The following ADGRL2 variants were observed in gnomAD, a reference collection of about 807,000 sequenced individuals.
The protein encoded by ADGRL2 is adhesion G protein-coupled receptor L2, also known as calcium-independent alpha-latrotoxin receptor 2.
A neutral mutation model predicts 157.4 loss-of-function variants in ADGRL2; 44 were observed. That is an observed-to-expected ratio of 0.28 (90% CI 0.22 to 0.36). The LOEUF (loss-of-function observed/expected upper bound fraction) is 0.36. Ranked by LOEUF, ADGRL2 falls within the 10% of genes least tolerant of loss-of-function variation. The pLI is 1.00. For synonymous variants in ADGRL2, 585 were observed against 624.7 expected (o/e 0.94, Z 0.95); for missense variants, 1,510 against 1,768.9 (o/e 0.85, Z 2.63).
chr1:81,420,305 T>C (rs2077102585), intron 1 of ADGRL2, among the ~76,000 whole-genome samples: 1 of 152,216 alleles, frequency 6.6e-6, no homozygotes, highest in Non-Finnish European at 1.5e-5. Flanking sequence ...TTTTACACTT[T>C]AGTTTTCTGA....
intron 1 of ADGRL2, among the ~76,000 whole-genome samples, chr1:81,399,528 A>G (rs1254312088): frequency 6.6e-6 from 1 of 151,892 alleles, no homozygotes; most frequent in Admixed American, 6.6e-5. Context: ...ACCCATCTTC[A>G]AGTTCAAAGA....
At chr1:81,532,960 C>A (rs1185858242) in intron 2 of ADGRL2, among the ~76,000 whole-genome samples, 4 of 149,286 alleles carry the variant, frequency 2.7e-5, no homozygotes, top group African/African-American at 9.9e-5. Flanking sequence ...ATCTATCTAT[C>A]TATCTATCTA....
At chr1:81,822,293 TTTCTCAA>T (rs1312796555) in intron 1 of ADGRL2, among the ~76,000 whole-genome samples, 3 of 151,908 alleles carry the variant, frequency 2.0e-5, no homozygotes, top group African/African-American at 7.2e-5. Context: ...GAAACAATGT[TTTCTCAA>T]GTTCAGAATA....
chr1:81,959,973 T>C (rs973371731), intron 11 of ADGRL2, among the ~76,000 whole-genome samples: 1 of 152,078 alleles, frequency 6.6e-6, no homozygotes, highest in Non-Finnish European at 1.5e-5. Context: ...GCTAATTTTG[T>C]ATTTTTAGTT....
chr1:81,391,976 T>C (rs1414109248), intron 1 of ADGRL2, among the ~76,000 whole-genome samples: 1 of 152,156 alleles, frequency 6.6e-6, no homozygotes, highest in African/African-American at 2.4e-5. Flanking sequence ...TAACAAGCAT[T>C]ATCTCCAGTT....
At chr1:81,374,038 G>A (rs1389024928) in intron 1 of ADGRL2, among the ~76,000 whole-genome samples, 1 of 151,982 alleles carries the variant, frequency 6.6e-6, no homozygotes, top group Admixed American at 6.6e-5. Flanking sequence ...AGATTTAACA[G>A]AAGTCAACAA....
intron 1 of ADGRL2, among the ~76,000 whole-genome samples, chr1:81,331,603 G>A (rs930977315): frequency 3.9e-5 from 6 of 152,118 alleles, no homozygotes; most frequent in African/African-American, 1.4e-4. Flanking sequence ...TGACATTAAG[G>A]AAAGGTCAGG....
intron 2 of ADGRL2, among the ~76,000 whole-genome samples, chr1:81,863,019 C>G (rs1477041331): frequency 6.6e-6 from 1 of 152,106 alleles, no homozygotes; most frequent in Non-Finnish European, 1.5e-5. Context: ...CATGTTTATA[C>G]TTTTTCAAGG....
intron 1 of ADGRL2, among the ~76,000 whole-genome samples, chr1:81,421,362 T>A (rs1340178353): frequency 6.6e-6 from 1 of 152,220 alleles, no homozygotes; most frequent in Admixed American, 6.5e-5. Context: ...TGTACAATAA[T>A]GGATGCCTAA....
intron 3 of ADGRL2, among the ~76,000 whole-genome samples, chr1:81,623,502 T>C (rs539921641): frequency 1.1e-3 from 169 of 152,240 alleles, no homozygotes; most frequent in Non-Finnish European, 1.5e-3. Flanking sequence ...CTGAGAAAGA[T>C]ATGTTGAAGT....
intron 1 of ADGRL2, among the ~76,000 whole-genome samples, chr1:81,394,785 AT>A (rs756521942): frequency 4.6e-5 from 7 of 152,276 alleles, no homozygotes; most frequent in Non-Finnish European, 8.8e-5. Flanking sequence ...AGGAAACTTC[AT>A]GCTATTTTCC....
chr1:81,641,985 AG>A (rs1355055617), intron 3 of ADGRL2, among the ~76,000 whole-genome samples: 1 of 151,976 alleles, frequency 6.6e-6, no homozygotes, highest in Non-Finnish European at 1.5e-5. Context: ...GATAAATAAA[AG>A]AAAGTACATC....
intron 2 of ADGRL2, among the ~76,000 whole-genome samples, chr1:81,485,746 C>T (rs1033828432): frequency 1.3e-5 from 2 of 152,036 alleles, no homozygotes; most frequent in East Asian, 3.9e-4. Context: ...GATAAGTAAA[C>T]AAACATTTAG....
At chr1:81,420,416 G>A (rs1328883127) in intron 1 of ADGRL2, among the ~76,000 whole-genome samples, 1 of 152,122 alleles carries the variant, frequency 6.6e-6, no homozygotes, top group African/African-American at 2.4e-5. Flanking sequence ...TTACCAGAAA[G>A]CTCCCACAAT....
At chr1:81,471,756 G>T (rs1334715948) in intron 2 of ADGRL2, among the ~76,000 whole-genome samples, 3 of 152,054 alleles carry the variant, frequency 2.0e-5, no homozygotes, top group Non-Finnish European at 4.4e-5. Flanking sequence ...CAGCAACGAG[G>T]TCTTTATTAT....
chr1:81,451,593 A>G (rs2077703541), intron 2 of ADGRL2, among the ~76,000 whole-genome samples: 2 of 152,112 alleles, frequency 1.3e-5, no homozygotes, highest in African/African-American at 4.8e-5. Flanking sequence ...AAATTGGACC[A>G]TCTAATATTT....
chr1:81,864,772 G>C (rs530606537), intron 2 of ADGRL2, among the ~76,000 whole-genome samples: 1 of 152,066 alleles, frequency 6.6e-6, no homozygotes, highest in Non-Finnish European at 1.5e-5. Flanking sequence ...GAAAAGCCTG[G>C]CCAACATGGC....
intron 2 of ADGRL2, among the ~76,000 whole-genome samples, chr1:81,464,954 GAA>G (rs2078022698): frequency 6.7e-6 from 1 of 148,878 alleles, no homozygotes; most frequent in Non-Finnish European, 1.5e-5. Context: ...AAAAGAAGAA[GAA>G]AAGAAAAAGG....
rs986316763 is a variant in ADGRL2 at position 81,501,740 on chromosome 1, G to A, written c.-248+56651G>A. On this transcript the variant is annotated intron_variant, in intron 2 of 24. Coordinates refer to the ADGRL2 transcript ENST00000370721. Reference sequence around the variant, plus strand: ...GGGCTGTGCCCAGGTTCAGAGTCATGCCACTCTGTGGGTGAAGCTTGAGGC... The same window carrying A: ...GGGCTGTGCCCAGGTTCAGAGTCATACCACTCTGTGGGTGAAGCTTGAGGC... 9.4e-5 allele frequency: 151 copies of A among 1,609,300 alleles called. No homozygotes were observed. In the Middle Eastern group the frequency reaches 1.8e-3, roughly 19 times the overall value.
Sources: gnomAD v4.1 joint callset for allele counts (sites outside exome capture counted in the v4.1 genomes callset) on GRCh38, gnomAD v4.1.1 for gene constraint, MANE v1.5 for transcripts, NCBI Gene and HGNC (gene_info 2026-07-23, HGNC 2026-07-21) for gene names.